The following WEE2 variants were observed in gnomAD, a reference collection of about 807,000 sequenced individuals.
WEE2 encodes the protein WEE2 oocyte meiosis inhibiting kinase.
Under a neutral mutation model 60.1 loss-of-function variants are expected in WEE2, and 50 were observed. The ratio of observed to expected loss-of-function variants is 0.83; its 90% CI spans 0.66 to 1.05. The LOEUF is 1.05. Among genes scored for constraint, WEE2 ranks in the 50% least tolerant of loss-of-function variants. The probability of loss-of-function intolerance (pLI) is 0.00; values close to 1 mark genes in which losing one functional copy is unlikely to be tolerated. For missense variants in WEE2, 631 were observed against 684.3 expected (o/e 0.92, Z 0.87); for synonymous variants, 240 against 241.0 (o/e 1.00, Z 0.04).
intron 10 of WEE2, 24 bp from the exon 11 acceptor site, chr7:141,729,507 T>A: frequency 6.2e-7 from 1 of 1,614,218 alleles, no homozygotes; most frequent in Non-Finnish European, 8.5e-7. Flanking sequence ...AAGTAGCCTT[T>A]GCTTTTTCTC....
chr7:141,715,293 T>C (rs1402601563), intron 2 of WEE2, among the ~76,000 whole-genome samples: 1 of 152,226 alleles, frequency 6.6e-6, no homozygotes, highest in Non-Finnish European at 1.5e-5. Context: ...TAAATCATTA[T>C]ACTCTCACCG....
intron 1 of WEE2, 126 bp from the exon 2 acceptor site, chr7:141,714,083 T>C: frequency 2.7e-6 from 2 of 739,898 alleles, no homozygotes; most frequent in African/African-American, 1.8e-5. Flanking sequence ...CCAGTTCACA[T>C]GGAACCAGAT....
chr7:141,717,536 C>T (rs1416751478), intron 3 of WEE2, among the ~76,000 whole-genome samples: 1 of 152,118 alleles, frequency 6.6e-6, no homozygotes, highest in Non-Finnish European at 1.5e-5. Context: ...GGAAAAACAT[C>T]TGGCCAAACA....
intron 1 of WEE2, among the ~76,000 whole-genome samples, chr7:141,710,538 A>G (rs117159406): frequency 1.3e-5 from 2 of 152,364 alleles, no homozygotes; most frequent in East Asian, 1.9e-4. Flanking sequence ...AACAAATGAA[A>G]CAATAAAGTT....
At chr7:141,716,899 T>A (rs1451195548) in intron 3 of WEE2, among the ~76,000 whole-genome samples, 2 of 152,150 alleles carry the variant, frequency 1.3e-5, no homozygotes, top group African/African-American at 2.4e-5. Context: ...CTTTGATCCA[T>A]CCCTCATTTG....
chr7:141,729,836 A>C (rs1442140017), intron 11 of WEE2, among the ~76,000 whole-genome samples, 163 bp downstream of exon 11: 1 of 152,060 alleles, frequency 6.6e-6, no homozygotes, highest in Non-Finnish European at 1.5e-5. Context: ...AAAATACAAA[A>C]AATTAGCAGG....
chr7:141,727,214 A>G, intron 9 of WEE2, 90 bp from the exon 10 acceptor site: 2 of 1,395,308 alleles, frequency 1.4e-6, no homozygotes, highest in South Asian at 1.4e-5. Context: ...AAAATCCACC[A>G]GGAGAAGCTG....
At chr7:141,723,652 C>T (rs934368165) in intron 6 of WEE2, among the ~76,000 whole-genome samples, 1 of 152,072 alleles carries the variant, frequency 6.6e-6, no homozygotes, top group Admixed American at 6.5e-5. Context: ...TAATGTGAAA[C>T]CCAAGGACAA....
At chr7:141,717,570 A>C (rs1798828188) in intron 3 of WEE2, among the ~76,000 whole-genome samples, 2 of 152,254 alleles carry the variant, frequency 1.3e-5, no homozygotes, top group South Asian at 4.1e-4. Context: ...TTGAAATTTC[A>C]AAACAATCTA....
intron 5 of WEE2, among the ~76,000 whole-genome samples, chr7:141,722,603 T>A (rs1798935787): frequency 1.3e-5 from 2 of 152,338 alleles, no homozygotes; most frequent in South Asian, 4.1e-4. Flanking sequence ...AAATATTTTA[T>A]GATCTATTTC....
In WEE2 at chr7:141,729,665, GC is replaced by G; in HGVS notation, c.1671del (p.Phe558LeufsTer43). ...GGAGGAAAGAGTGCAAGGTCTTCAA[GC>G]TTTACCTGTGAGTAATCTTCCCCTT... ...LVGGKSARSS[S>X]FTSGEREPLH On this transcript the variant is annotated frameshift_variant, in exon 11 of 12. Transcript: ENST00000397541. LOFTEE classifies it high-confidence loss of function. 1.2e-6 allele frequency: 2 copies of G among 1,610,418 alleles called. No individual in the cohort carries two copies. The highest frequency in any genetic ancestry group is 1.7e-6 in the Non-Finnish European group (2 of 1,178,928).
chr7:141,727,715 G>T, intron 10 of WEE2: 1 of 391,618 alleles, frequency 2.6e-6, no homozygotes, highest in Non-Finnish European at 4.5e-6. Context: ...TACCAGTAAA[G>T]AAAACTTAGG....
rs571238574 is a variant in WEE2, at chr7:141,720,141, C to CTTTTTTTTTTTTTTTTT, written c.759-778_759-762dup. Among the ~76,000 whole-genome samples, 17 of 64,202 alleles carry CTTTTTTTTTTTTTTTTT rather than the reference C, an allele frequency of 2.6e-4. 2 individuals carry two copies. The highest frequency in any genetic ancestry group is 9.0e-4 in the South Asian group (1 of 1,108). The allele number at this position is 64,202 out of a possible 152,430, so 42.1% of individuals were successfully genotyped here. A position where few individuals can be genotyped will look rare whatever the true frequency, so the allele number is the denominator to read the frequency against. ...GTTTTATACAGGTTTTAGAATTCCTCTTTTTTTTTTTTTTTTTTTTTTTTT... is the reference window on the plus strand; with the variant it reads ...GTTTTATACAGGTTTTAGAATTCCTCTTTTTTTTTTTTTTTTTTTTTTTTTTTTTTTTTTTTTTTTTT... On this transcript the variant is annotated intron_variant, in intron 4 of 11. Transcript: ENST00000397541.
At chr7:141,727,647 A>G in intron 10 of WEE2, 1 of 572,888 alleles carries the variant, frequency 1.7e-6, no homozygotes, top group Admixed American at 3.6e-5. Flanking sequence ...AGGTTGCTTG[A>G]GAGAGAAAAT....
At chr7:141,718,066 G>T (rs1385922232) in intron 3 of WEE2, among the ~76,000 whole-genome samples, 1 of 152,150 alleles carries the variant, frequency 6.6e-6, no homozygotes, top group African/African-American at 2.4e-5. Flanking sequence ...CAGACAAGAA[G>T]GGAACAGAGC....
intron 11 of WEE2, 95 bp from the exon 12 acceptor site, chr7:141,730,200 G>A: frequency 8.4e-7 from 1 of 1,188,190 alleles, no homozygotes; most frequent in Non-Finnish European, 1.2e-6. Context: ...AAGGGTCCCA[G>A]ACACAATAAT....
At chr7:141,710,505 G>A (rs139709689) in intron 1 of WEE2, among the ~76,000 whole-genome samples, 50 of 152,242 alleles carry the variant, frequency 3.3e-4, no homozygotes, top group African/African-American at 1.1e-3. Flanking sequence ...TTCAAAAAGA[G>A]CCCACAAAAT....
At chr7:141,713,831 G>A (rs1798747507) in intron 1 of WEE2, among the ~76,000 whole-genome samples, 1 of 152,184 alleles carries the variant, frequency 6.6e-6, no homozygotes, top group Admixed American at 6.6e-5. Context: ...TAATTGAGGG[G>A]AAGTTAAAGC....
intron 3 of WEE2, among the ~76,000 whole-genome samples, chr7:141,717,293 T>C (rs1455974549): frequency 1.3e-5 from 2 of 152,242 alleles, no homozygotes; most frequent in African/African-American, 4.8e-5. Flanking sequence ...TAAATAAATA[T>C]GTTAATATGT....
Sources: gnomAD v4.1 joint callset for allele counts (sites outside exome capture counted in the v4.1 genomes callset) on GRCh38, gnomAD v4.1.1 for gene constraint, MANE v1.5 for transcripts, NCBI Gene and HGNC (gene_info 2026-07-23, HGNC 2026-07-21) for gene names.